Variants in ZEB1 observed in about 807,000 individuals in gnomAD.
The protein encoded by ZEB1 is zinc finger E-box-binding homeobox 1.
A neutral mutation model predicts 84.9 loss-of-function variants in ZEB1; 21 were observed. The observed-to-expected ratio is 0.25, with a 90% CI of 0.18 to 0.36. The LOEUF (loss-of-function observed/expected upper bound fraction) is 0.36. Ranked by LOEUF, ZEB1 falls within the 10% of genes least tolerant of loss-of-function variation. The pLI, the probability that ZEB1 is intolerant of heterozygous loss-of-function variation, is 1.00. For missense variants in ZEB1, 1,104 were observed against 1,330.2 expected (o/e 0.83, Z 2.65); for synonymous variants, 420 against 471.1 (o/e 0.89, Z 1.41).
At chr10:31,368,043 C>T (rs2044893155) in intron 1 of ZEB1, among the ~76,000 whole-genome samples, 2 of 151,888 alleles carry the variant, frequency 1.3e-5, no homozygotes, top group South Asian at 4.2e-4. Context: ...TATGTATAGT[C>T]ATTCTTCAGT....
At chr10:31,519,658 A>G (rs1302271022) in intron 6 of ZEB1, among the ~76,000 whole-genome samples, 1 of 152,216 alleles carries the variant, frequency 6.6e-6, no homozygotes. Flanking sequence ...AGGAATTATT[A>G]TTAATCAAAG....
rs185023424 is a variant in ZEB1 at position 31,516,968 on chromosome 10, G to A, written c.793+2260G>A. ...CATTCTTGAGATAAGTACAGAAATT[G>A]AGAGTAAGCATTTAGCATTTATTAT... is the stretch of plus-strand genomic sequence containing the variant. On this transcript the variant is annotated intron_variant, in intron 6 of 8. Coordinates refer to ENST00000424869, the MANE Select transcript of ZEB1 (RefSeq NM_001174096.2). Among the ~76,000 whole-genome samples, 26 of 152,140 alleles carry A rather than the reference G, an allele frequency of 1.7e-4. No individual in the cohort carries two copies. The East Asian group carries it at 4.6e-3, about 27-fold the overall frequency.
Position 31,520,909 on chromosome 10 carries a change from G to T in ZEB1, c.1577G>T (p.Gly526Val). Reference sequence around the variant, plus strand: ...GAGAAGGACAAAAGCTTTGAAGGGGGGGTGAATGATAGCACTTGTCTTCTG... The same window carrying T: ...GAGAAGGACAAAAGCTTTGAAGGGGTGGTGAATGATAGCACTTGTCTTCTG... ...KSEKDKSFEG[G>V]VNDSTCLLCD... The change falls in exon 7 of 9, where the codon GGG becomes GTG. Residue 526 changes from glycine (G) to valine (V), a missense_variant. Physicochemically the swap from Gly to Val is moderately radical, Grantham distance 109. Coordinates refer to ENST00000424869, the MANE Select transcript of ZEB1 (RefSeq NM_001174096.2). This position sits in a 1 kb window ranked among gnomAD's most constrained non-coding sequence, Gnocchi z 5.1. The T allele has an allele frequency of 6.2e-7, 1 of 1,614,056 alleles. No homozygotes were observed. Among genetic ancestry groups the T allele is most frequent in the South Asian group, 1.1e-5 (1 of 91,082 alleles).
In ZEB1 at chr10:31,429,733, C is replaced by CTT. The variant is rs35031058; in HGVS notation, c.59-31278_59-31277dup. ...CTGTTGTGAATACTTACAGGCAGAACTTTTTTTTTTTTTTTTTTTTTTTTT... is the reference window on the plus strand; with the variant it reads ...CTGTTGTGAATACTTACAGGCAGAACTTTTTTTTTTTTTTTTTTTTTTTTTTT... On this transcript the variant is annotated intron_variant, in intron 1 of 8. Coordinates refer to ENST00000424869, the MANE Select transcript of ZEB1 (RefSeq NM_001174096.2). Among the ~76,000 whole-genome samples the CTT allele has an allele frequency of 2.8e-3, 224 of 79,556 alleles. 23 individuals carry two copies. Among genetic ancestry groups the CTT allele is most frequent in the African/African-American group, 7.9e-3 (117 of 14,898 alleles). The allele number at this position is 79,556 out of a possible 152,430, so 52.2% of individuals were successfully genotyped here.
At chr10:31,461,575 G>A (rs2061824669) in intron 2 of ZEB1, among the ~76,000 whole-genome samples, 1 of 151,986 alleles carries the variant, frequency 6.6e-6, no homozygotes, top group Non-Finnish European at 1.5e-5. Context: ...ATATCATATA[G>A]ATATAGTGAA....
intron 1 of ZEB1, among the ~76,000 whole-genome samples, chr10:31,429,942 T>C (rs1039094798): frequency 2.6e-5 from 4 of 151,948 alleles, no homozygotes; most frequent in Non-Finnish European, 5.9e-5. Flanking sequence ...GGTTTCACCA[T>C]GTTGGACAGG....
At chr10:31,386,384 T>C (rs1477358796) in intron 1 of ZEB1, among the ~76,000 whole-genome samples, 1 of 151,774 alleles carries the variant, frequency 6.6e-6, no homozygotes, top group Non-Finnish European at 1.5e-5. Flanking sequence ...ATTAGTATTA[T>C]TTTATATAAC....
intron 2 of ZEB1, among the ~76,000 whole-genome samples, chr10:31,473,943 AAAAC>A (rs1285042046): frequency 3.9e-5 from 6 of 152,058 alleles, no homozygotes; most frequent in Non-Finnish European, 7.4e-5. Context: ...AAACCTGAGA[AAAAC>A]AAGCAATGGG....
intron 1 of ZEB1, among the ~76,000 whole-genome samples, chr10:31,419,353 G>A (rs1458805786): frequency 6.6e-6 from 1 of 152,076 alleles, no homozygotes; most frequent in Non-Finnish European, 1.5e-5. Flanking sequence ...AGCCAAGTTA[G>A]GGATTTCGAT....
At chr10:31,481,119 T>G (rs1333070803) in intron 2 of ZEB1, among the ~76,000 whole-genome samples, 6 of 152,058 alleles carry the variant, frequency 3.9e-5, no homozygotes, top group Non-Finnish European at 7.4e-5. Flanking sequence ...TACTGGGATA[T>G]AACAAGTAAG....
chr10:31,435,854 G>A (rs898199535), intron 1 of ZEB1, among the ~76,000 whole-genome samples: 2 of 152,186 alleles, frequency 1.3e-5, no homozygotes, highest in Non-Finnish European at 2.9e-5. Flanking sequence ...TGTGGTAAAT[G>A]GAAACAAGGG....
At chr10:31,369,404 C>T (rs1416684114) in intron 1 of ZEB1, among the ~76,000 whole-genome samples, 1 of 152,216 alleles carries the variant, frequency 6.6e-6, no homozygotes. Flanking sequence ...CTATTCTCTA[C>T]TTCTATGAAT....
intron 3 of ZEB1, among the ~76,000 whole-genome samples, chr10:31,500,437 A>G (rs1466665195): frequency 6.6e-6 from 1 of 152,110 alleles, no homozygotes; most frequent in Non-Finnish European, 1.5e-5. Context: ...GCCATATTAT[A>G]TAGTTAATTG....
chr10:31,473,940 A>C (rs897240523), intron 2 of ZEB1, among the ~76,000 whole-genome samples: 3 of 152,060 alleles, frequency 2.0e-5, no homozygotes, highest in Admixed American at 1.3e-4. Flanking sequence ...GACAAACCTG[A>C]GAAAAACAAG....
chr10:31,508,589 C>G (rs1483211370), intron 4 of ZEB1, among the ~76,000 whole-genome samples: 1 of 152,092 alleles, frequency 6.6e-6, no homozygotes, highest in African/African-American at 2.4e-5. Context: ...CCCCACGTCC[C>G]TGAATAGCAT....
At chr10:31,322,545 T>G (rs1232516266) in intron 1 of ZEB1, among the ~76,000 whole-genome samples, 2 of 152,216 alleles carry the variant, frequency 1.3e-5, no homozygotes, top group African/African-American at 4.8e-5. Flanking sequence ...GTAATGTAAC[T>G]GACAGGGGTA....
At chr10:31,375,929 C>A (rs1018744934) in intron 1 of ZEB1, among the ~76,000 whole-genome samples, 1 of 151,348 alleles carries the variant, frequency 6.6e-6, no homozygotes. Flanking sequence ...AGAAGGAGTT[C>A]CTGCTGATAT....
At chr10:31,493,741 C>G (rs1161835385) in intron 2 of ZEB1, among the ~76,000 whole-genome samples, 1 of 151,922 alleles carries the variant, frequency 6.6e-6, no homozygotes, top group Non-Finnish European at 1.5e-5. Flanking sequence ...AGGATGTTGT[C>G]TGTTTTCATT....
intron 1 of ZEB1, among the ~76,000 whole-genome samples, chr10:31,429,053 C>T (rs1440810656): frequency 3.3e-5 from 5 of 152,092 alleles, no homozygotes; most frequent in Non-Finnish European, 1.5e-5. Context: ...GGGCATTGAG[C>T]CCATTTACAT....
Sources: allele counts gnomAD v4.1 joint callset (sites outside exome capture counted in the v4.1 genomes callset), GRCh38; gene constraint gnomAD v4.1.1; non-coding constraint Gnocchi (gnomAD v3.1); transcripts MANE v1.5; gene names NCBI Gene and HGNC (gene_info 2026-07-23, HGNC 2026-07-21).